Variants in CHD7 observed in about 807,000 individuals in gnomAD.
CHD7 encodes the protein chromodomain helicase DNA binding protein 7.
A neutral mutation model predicts 307.3 loss-of-function variants in CHD7; 24 were observed. The ratio of observed to expected loss-of-function variants is 0.08; its 90% CI spans 0.06 to 0.11. The LOEUF (loss-of-function observed/expected upper bound fraction) is 0.11. Among genes scored for constraint, CHD7 ranks in the 10% least tolerant of loss-of-function variants. The pLI, the probability that CHD7 is intolerant of heterozygous loss-of-function variation, is 1.00. For missense variants in CHD7, 3,106 were observed against 3,727.1 expected (o/e 0.83, Z 4.34); for synonymous variants, 1,363 against 1,349.9 (o/e 1.01, Z -0.21).
At position 60,687,910 on chromosome 8, in the gene CHD7, C is replaced by T. The variant is rs186219873; in HGVS notation, c.-175+8828C>T. Among the ~76,000 whole-genome samples, 227 of 152,344 alleles carry T rather than the reference C, an allele frequency of 1.5e-3. 2 individuals are homozygous for T. Among genetic ancestry groups the T allele is most frequent in the Non-Finnish European group, 2.2e-3 (153 of 68,028 alleles). On this transcript the variant is annotated intron_variant, in intron 1 of 37. Coordinates refer to ENST00000423902, the MANE Select transcript of CHD7 (RefSeq NM_017780.4). ...CATAAGCATGGTGCTGCTGTTGCCA[C>T]GTAGACCAGCTCTGGAGCTTGCATT... is the stretch of plus-strand genomic sequence containing the variant.
intron 4 of CHD7, 60 bp downstream of exon 4, chr8:60,795,187 G>GC: frequency 6.5e-7 from 1 of 1,544,066 alleles, no homozygotes. Context: ...CTTTAGCCAT[G>GC]TATGAAGTAC....
intron 1 of CHD7, among the ~76,000 whole-genome samples, chr8:60,718,517 CTAAAT>C (rs1278883691): frequency 2.0e-5 from 3 of 151,050 alleles, no homozygotes; most frequent in Middle Eastern, 3.4e-3. Context: ...AAAAACTAAA[CTAAAT>C]TAAACATTTA....
chr8:60,772,542 A>T (rs1810760701), intron 2 of CHD7, among the ~76,000 whole-genome samples: 1 of 152,176 alleles, frequency 6.6e-6, no homozygotes. Flanking sequence ...ATCCTTAGTA[A>T]GCTGGGTAGC....
At chr8:60,769,437 A>G (rs1810612420) in intron 2 of CHD7, among the ~76,000 whole-genome samples, 2 of 152,190 alleles carry the variant, frequency 1.3e-5, no homozygotes, top group African/African-American at 4.8e-5. Context: ...AATAGATATC[A>G]TTGATGTAAA....
chr8:60,714,208 C>T (rs926613646), intron 1 of CHD7, among the ~76,000 whole-genome samples: 1 of 151,990 alleles, frequency 6.6e-6, no homozygotes, highest in African/African-American at 2.4e-5. Context: ...CTGGGCCAGA[C>T]GCAGGGCGGA....
chr8:60,739,383 G>C (rs1303065286), intron 1 of CHD7, among the ~76,000 whole-genome samples: 2 of 152,182 alleles, frequency 1.3e-5, no homozygotes, highest in African/African-American at 2.4e-5. Flanking sequence ...ATGACTGACT[G>C]CTTAGCCTTC....
intron 1 of CHD7, among the ~76,000 whole-genome samples, chr8:60,682,204 T>G (rs1805664570): frequency 6.6e-6 from 1 of 152,228 alleles, no homozygotes; most frequent in Admixed American, 6.5e-5. Context: ...TTGGTCTAGT[T>G]TTTAATCAGT....
rs577889871 is a variant in CHD7, at chr8:60,796,715, G to C, written c.2238+1588G>C. Reference sequence around the variant, plus strand: ...CTTTCTAATTGGCTAGGGCCTAACTGTTACGTGTTCAATAGCTAATATAAG... The same window carrying C: ...CTTTCTAATTGGCTAGGGCCTAACTCTTACGTGTTCAATAGCTAATATAAG... On this transcript the variant is annotated intron_variant, in intron 4 of 37. Transcript: ENST00000423902. Among the ~76,000 whole-genome samples the C allele has an allele frequency of 3.3e-5, 5 of 151,706 alleles. No homozygotes were observed. In the South Asian group the frequency reaches 8.3e-4, roughly 25 times the overall value.
intron 1 of CHD7, among the ~76,000 whole-genome samples, chr8:60,734,492 G>A (rs140551745): frequency 3.9e-5 from 6 of 152,244 alleles, no homozygotes; most frequent in Non-Finnish European, 8.8e-5. Flanking sequence ...TGCTAGCAAG[G>A]GCTTTGAAAT....
intron 1 of CHD7, among the ~76,000 whole-genome samples, chr8:60,728,878 T>C (rs931404527): frequency 2.0e-5 from 3 of 152,200 alleles, no homozygotes; most frequent in South Asian, 2.1e-4. Flanking sequence ...GGTAAACTTA[T>C]GTTATAGGGG....
Position 60,866,120 on chromosome 8 carries a change from T to C in CHD7, c.*187T>C, listed in dbSNP as rs1356924002. 3.5e-6 allele frequency: 2 copies of C among 565,982 alleles called. No individual in the cohort carries two copies. The highest frequency in any genetic ancestry group is 6.2e-5 in the Admixed American group (2 of 32,168). The allele number at this position is 565,982 out of a possible 1,614,324, so 35.1% of individuals were successfully genotyped here. A position where few individuals can be genotyped will look rare whatever the true frequency, so the allele number is the denominator to read the frequency against. On this transcript the variant is annotated 3_prime_UTR_variant, in exon 38 of 38. Transcript: ENST00000423902. ...ATCTTGGTCATTAAGTATTGTGCAGTGCATTATTTATTATCCCTAGGAGAG... is the reference window on the plus strand; with the variant it reads ...ATCTTGGTCATTAAGTATTGTGCAGCGCATTATTTATTATCCCTAGGAGAG...
rs1805712578 is a variant in CHD7 at position 60,856,457 on chromosome 8, A to G, written c.7177A>G (p.Asn2393Asp). The G allele has an allele frequency of 6.2e-7, 1 of 1,611,204 alleles. No homozygotes were observed. The change falls in exon 34 of 38, where the codon AAC (asparagine) becomes GAC (aspartate). Residue 2393 changes from asparagine (N) to aspartate (D), a missense_variant. Physicochemically the swap from Asn to Asp is conservative, Grantham distance 23. Around this residue, in one of 10 missense-constraint regions of CHD7, gnomAD observed 1,030 missense variants for 1,165.4 expected, o/e 0.88. Coordinates refer to ENST00000423902, the MANE Select transcript of CHD7 (RefSeq NM_017780.4). ...AATTTTTCAATAGGAAGATGCCCTC[A>G]ACCTCTCTGTCCCTCGCCAGCGGAG... ...SPQLSKEDAL[N>D]LSVPRQRRRR...
chr8:60,779,667 T>C (rs547045162), intron 2 of CHD7, among the ~76,000 whole-genome samples: 1 of 152,350 alleles, frequency 6.6e-6, no homozygotes, highest in South Asian at 2.1e-4. Context: ...CCTTCCTCCT[T>C]TTCTCGTAGT....
chr8:60,721,359 C>CT (rs780517476), intron 1 of CHD7, among the ~76,000 whole-genome samples: 5 of 152,330 alleles, frequency 3.3e-5, no homozygotes, highest in African/African-American at 4.8e-5. Flanking sequence ...GAGATGGTGG[C>CT]TGCCTATAAG....
At position 60,841,827 on chromosome 8, in the gene CHD7, A is replaced by G; in HGVS notation, c.4645-20A>G. 1.2e-6 allele frequency: 2 copies of G among 1,609,386 alleles called. No homozygotes were observed. Among genetic ancestry groups the G allele is most frequent in the Non-Finnish European group, 1.7e-6 (2 of 1,176,984 alleles). On this transcript the variant is annotated intron_variant, in intron 20 of 37. Coordinates refer to ENST00000423902, the MANE Select transcript of CHD7 (RefSeq NM_017780.4). ...CCACTCTTTGAGAAATGTCAAATGT[A>G]TCTCCTCTTTTATTATTAGAACAAC...
chr8:60,843,919 G>C (rs1805081850), intron 21 of CHD7, among the ~76,000 whole-genome samples: 1 of 152,240 alleles, frequency 6.6e-6, no homozygotes, highest in Non-Finnish European at 1.5e-5. Flanking sequence ...ACAGGAGCCA[G>C]AGAGGACCAG....
intron 4 of CHD7, among the ~76,000 whole-genome samples, chr8:60,799,803 T>C (rs1223596446): frequency 1.3e-5 from 2 of 152,170 alleles, no homozygotes; most frequent in Non-Finnish European, 2.9e-5. Context: ...ACTGACTGAC[T>C]GAGGAACTAG....
chr8:60,690,994 G>A (rs1806165610), intron 1 of CHD7, among the ~76,000 whole-genome samples: 1 of 152,034 alleles, frequency 6.6e-6, no homozygotes, highest in Non-Finnish European at 1.5e-5. Flanking sequence ...GCGTGATCTC[G>A]GCTCACTGCC....
At chr8:60,801,417 C>T (rs1174381419) in intron 5 of CHD7, 111 bp from the exon 6 acceptor site, 3 of 739,012 alleles carry the variant, frequency 4.1e-6, no homozygotes, top group South Asian at 1.7e-5. Flanking sequence ...AACTTTGTAC[C>T]CAGTGACTTA....
Sources: allele counts gnomAD v4.1 joint callset (sites outside exome capture counted in the v4.1 genomes callset), GRCh38; gene constraint gnomAD v4.1.1; regional missense constraint gnomAD v4.1.1; transcripts MANE v1.5; gene names NCBI Gene and HGNC (gene_info 2026-07-23, HGNC 2026-07-21).